The following JAK2 variants were observed in gnomAD, a reference collection of about 807,000 sequenced individuals.
JAK2 encodes Janus kinase 2, also known as tyrosine-protein kinase JAK2.
In JAK2, 86 loss-of-function variants were observed where a neutral mutation model predicts 139.3. The observed-to-expected ratio is 0.62, with a 90% CI of 0.52 to 0.74. The LOEUF is 0.74. JAK2 is among the 30% of genes least tolerant of loss of function. The pLI, the probability that JAK2 is intolerant of heterozygous loss-of-function variation, is 0.00. For missense variants in JAK2, 1,421 were observed against 1,360.3 expected, an observed-to-expected ratio of 1.04 and a Z score of -0.70; for synonymous variants, 490 against 437.7, an observed-to-expected ratio of 1.12 and a Z score of -1.49.
rs201006249 is a variant in JAK2, at chr9:5,073,799, C to T, written c.1864+14C>T. On this transcript the variant is annotated intron_variant, in intron 14 of 24. Transcript: ENST00000381652. ...GTGGAGACGAGAGTAAGTAAAACTACAGGCTTTCTAATGCCTTTCTCAGAG... is the reference window on the plus strand; with the variant it reads ...GTGGAGACGAGAGTAAGTAAAACTATAGGCTTTCTAATGCCTTTCTCAGAG... 195 of 1,530,474 alleles carry T rather than the reference C, an allele frequency of 1.3e-4. 1 individual carries two copies. In the East Asian group the frequency reaches 3.6e-3, roughly 28 times the overall value. 94.8% of individuals were successfully genotyped at this position (1,530,474 alleles called of 1,614,324 possible). A position where few individuals can be genotyped will look rare whatever the true frequency, so the allele number is the denominator to read the frequency against.
chr9:5,129,743 C>T lies in JAK2; in HGVS notation c.*2952C>T, dbSNP rs1424185400. Among the ~76,000 whole-genome samples, 1 of 152,120 alleles carries T rather than the reference C, an allele frequency of 6.6e-6. No individual in the cohort carries two copies. Among genetic ancestry groups the T allele is most frequent in the East Asian group, 1.9e-4 (1 of 5,202 alleles). On this transcript the variant is annotated 3_prime_UTR_variant, in exon 25 of 25. Transcript: ENST00000381652. ...GCTGCTAAGCGTTTCATAATTCTCA[C>T]AGTGATATTAGATTTCAAAATGACA...
At chr9:5,106,186 T>G (rs923474536) in intron 22 of JAK2, among the ~76,000 whole-genome samples, 11 of 151,734 alleles carry the variant, frequency 7.2e-5, no homozygotes, top group Non-Finnish European at 1.5e-5. Context: ...ATATCCAAAA[T>G]CTACAAAGAA....
chr9:4,994,132 G>A (rs1400462750), intron 2 of JAK2, among the ~76,000 whole-genome samples: 2 of 152,146 alleles, frequency 1.3e-5, no homozygotes, highest in East Asian at 1.9e-4. Flanking sequence ...ATTTATTTCA[G>A]TGTTTAATAA....
At chr9:5,106,900 A>G (rs1265680107) in intron 22 of JAK2, among the ~76,000 whole-genome samples, 1 of 151,742 alleles carries the variant, frequency 6.6e-6, no homozygotes, top group African/African-American at 2.4e-5. Flanking sequence ...GGCCCGGGGG[A>G]GGGATAGCAT....
intron 22 of JAK2, chr9:5,094,581 T>A (rs1352255418): frequency 6.6e-6 from 1 of 152,176 alleles, no homozygotes; most frequent in East Asian, 1.9e-4. Context: ...AATGCCAGAA[T>A]TACTCTGACC....
At chr9:5,073,108 A>G (rs1169340451) in intron 13 of JAK2, among the ~76,000 whole-genome samples, 1 of 152,206 alleles carries the variant, frequency 6.6e-6, no homozygotes, top group Non-Finnish European at 1.5e-5. Flanking sequence ...GATACTTACA[A>G]TATCTTAAAG....
intron 4 of JAK2, chr9:5,041,638 A>C (rs1816529098): frequency 2.0e-6 from 1 of 502,436 alleles, no homozygotes; most frequent in Non-Finnish European, 4.0e-6. Context: ...GACTTTGAGA[A>C]GCTCGACTAC....
At chr9:5,028,050 G>A (rs540160198) in intron 3 of JAK2, among the ~76,000 whole-genome samples, 2 of 152,292 alleles carry the variant, frequency 1.3e-5, no homozygotes, top group Admixed American at 1.3e-4. Context: ...CTAGAATGGT[G>A]AACTCTTTCC....
intron 13 of JAK2, 107 bp downstream of exon 13, chr9:5,072,733 A>T: frequency 1.2e-6 from 1 of 812,386 alleles, no homozygotes; most frequent in Non-Finnish European, 1.7e-6. Context: ...TGTAATTTTT[A>T]AATGTGTCAA....
At chr9:5,067,299 A>G in intron 10 of JAK2, among the ~76,000 whole-genome samples, 1 of 152,138 alleles carries the variant, frequency 6.6e-6, no homozygotes, top group Non-Finnish European at 1.5e-5. Flanking sequence ...TGCATGTTTC[A>G]ACGGTAAAAC....
At chr9:5,121,347 C>A (rs1288261501) in intron 22 of JAK2, among the ~76,000 whole-genome samples, 3 of 152,174 alleles carry the variant, frequency 2.0e-5, no homozygotes, top group Non-Finnish European at 4.4e-5. Context: ...ATTAACTAGT[C>A]CTCAAGTAAG....
At chr9:5,083,709 A>T (rs1013848219) in intron 19 of JAK2, among the ~76,000 whole-genome samples, 1 of 152,194 alleles carries the variant, frequency 6.6e-6, no homozygotes, top group Non-Finnish European at 1.5e-5. Context: ...CATAACAAAG[A>T]ATACATCAAA....
At chr9:4,996,731 G>T (rs1482885343) in intron 2 of JAK2, among the ~76,000 whole-genome samples, 1 of 151,746 alleles carries the variant, frequency 6.6e-6, no homozygotes, top group Non-Finnish European at 1.5e-5. Context: ...ACTTTTAAAG[G>T]TAAGTATTCT....
chr9:5,114,146 G>T, intron 22 of JAK2: 1 of 398,286 alleles, frequency 2.5e-6, no homozygotes, highest in South Asian at 2.3e-5. Flanking sequence ...ACACCTTTGA[G>T]GACAGTGCCA....
chr9:4,997,791 A>G (rs373667053), intron 2 of JAK2, among the ~76,000 whole-genome samples: 1 of 152,246 alleles, frequency 6.6e-6, no homozygotes, highest in South Asian at 2.1e-4. Context: ...GCATGATAGT[A>G]TAAGTCTATC....
chr9:5,122,886 C>T (rs1823718217), intron 22 of JAK2, 118 bp from the exon 23 acceptor site: 2 of 613,286 alleles, frequency 3.3e-6, no homozygotes, highest in Non-Finnish European at 5.5e-6. Context: ...CTCAGGCCTG[C>T]TGTGATAACT....
chr9:5,122,361 T>G (rs1169571306), intron 22 of JAK2, among the ~76,000 whole-genome samples: 1 of 152,086 alleles, frequency 6.6e-6, no homozygotes, highest in Non-Finnish European at 1.5e-5. Flanking sequence ...TAGTCACCCC[T>G]CTTCTGGTTA....
chr9:5,094,940 A>T (rs763791000), intron 22 of JAK2: 32 of 152,254 alleles, frequency 2.1e-4, no homozygotes, highest in African/African-American at 4.1e-4. Context: ...TTTTATGAAA[A>T]AATTTCCTAC....
chr9:5,009,856 A>T (rs1466974158), intron 2 of JAK2, among the ~76,000 whole-genome samples: 1 of 151,550 alleles, frequency 6.6e-6, no homozygotes, highest in African/African-American at 2.4e-5. Flanking sequence ...CTGCAGGCTC[A>T]AACTCATAAG....
Sources: allele counts gnomAD v4.1 joint callset (sites outside exome capture counted in the v4.1 genomes callset), GRCh38; gene constraint gnomAD v4.1.1; transcripts MANE v1.5; gene names NCBI Gene and HGNC (gene_info 2026-07-23, HGNC 2026-07-21).